Variants in PTBP2 observed in about 807,000 individuals in gnomAD.
PTBP2 encodes the protein polypyrimidine tract binding protein 2.
In PTBP2, 13 loss-of-function variants were observed where a neutral mutation model predicts 61.4. That is an observed-to-expected ratio of 0.21 (90% CI 0.14 to 0.34). The LOEUF (loss-of-function observed/expected upper bound fraction) is 0.34. Ranked by LOEUF, PTBP2 falls within the 10% of genes least tolerant of loss-of-function variation. The pLI is 1.00. For missense variants in PTBP2, 405 were observed against 642.6 expected (o/e 0.63, Z 4.00); for synonymous variants, 215 against 218.5 (o/e 0.98, Z 0.14).
chr1:96,791,979 G>A (rs1570964079), intron 8 of PTBP2, among the ~76,000 whole-genome samples: 1 of 151,572 alleles, frequency 6.6e-6, no homozygotes, highest in African/African-American at 2.4e-5. Flanking sequence ...GACTACAGGC[G>A]CACGCCACCA....
intron 2 of PTBP2, among the ~76,000 whole-genome samples, chr1:96,737,606 C>G (rs970029655): frequency 6.6e-6 from 1 of 151,850 alleles, no homozygotes; most frequent in Non-Finnish European, 1.5e-5. Flanking sequence ...TGTTTTTGTT[C>G]ACTTTTAAAG....
At chr1:96,763,578 G>A (rs576595303) in intron 3 of PTBP2, among the ~76,000 whole-genome samples, 37 of 141,150 alleles carry the variant, frequency 2.6e-4, no homozygotes, top group Admixed American at 5.0e-4. Flanking sequence ...GAAAGAGAGG[G>A]AGAGGGAGAC....
chr1:96,812,343 A>C (rs890895776), intron 11 of PTBP2, among the ~76,000 whole-genome samples: 1 of 152,198 alleles, frequency 6.6e-6, no homozygotes, highest in Non-Finnish European at 1.5e-5. Flanking sequence ...TTGAGGGACA[A>C]TTAGGAGGAA....
chr1:96,762,779 A>C (rs1184600050), intron 3 of PTBP2, among the ~76,000 whole-genome samples: 1 of 150,948 alleles, frequency 6.6e-6, no homozygotes, highest in East Asian at 2.0e-4. Context: ...CTCACTTCCC[A>C]GACGGCGTGG....
At chr1:96,806,686 TC>T (rs1661522517) in intron 10 of PTBP2, 179 bp from the exon 11 acceptor site, 1 of 661,738 alleles carries the variant, frequency 1.5e-6, no homozygotes, top group African/African-American at 1.8e-5. Flanking sequence ...CAAAAATTAT[TC>T]TTTTCAAAAT....
chr1:96,777,481 A>G, intron 5 of PTBP2, 104 bp from the exon 6 acceptor site: 1 of 986,296 alleles, frequency 1.0e-6, no homozygotes, highest in Admixed American at 3.3e-5. Context: ...AATTTTGTTT[A>G]ATCTGTGTAA....
chr1:96,786,957 G>A (rs1659272942), intron 8 of PTBP2, among the ~76,000 whole-genome samples: 1 of 152,064 alleles, frequency 6.6e-6, no homozygotes, highest in South Asian at 2.1e-4. Context: ...ATTCTTCTAG[G>A]GAATTTATCA....
chr1:96,723,171 A>T (rs1649867693), intron 1 of PTBP2, among the ~76,000 whole-genome samples: 1 of 152,166 alleles, frequency 6.6e-6, no homozygotes, highest in Non-Finnish European at 1.5e-5. Flanking sequence ...CCAGATCAAC[A>T]CGGAAATTGA....
chr1:96,801,390 A>G (rs1660978913), intron 8 of PTBP2, among the ~76,000 whole-genome samples: 1 of 152,130 alleles, frequency 6.6e-6, no homozygotes, highest in Non-Finnish European at 1.5e-5. Flanking sequence ...GCATTTTACA[A>G]ATGTCCAGAG....
rs115006244 is a variant in PTBP2 at position 96,811,707 on chromosome 1, C to T, written c.1172-1005C>T. Among the ~76,000 whole-genome samples the T allele has an allele frequency of 9.9e-3, 1,503 of 152,258 alleles. 28 individuals carry two copies. The highest frequency in any genetic ancestry group is 0.035 in the African/African-American group (1,439 of 41,540). On this transcript the variant is annotated intron_variant, in intron 11 of 13. Coordinates refer to ENST00000674951, the MANE Select transcript of PTBP2 (RefSeq NM_021190.4). ...TTGGGATTACAGGCGTGAGCCAACG[C>T]GCCCGGCATCTACTGTTAATACTTT...
At chr1:96,736,057 C>T (rs1302089083) in intron 2 of PTBP2, among the ~76,000 whole-genome samples, 2 of 152,156 alleles carry the variant, frequency 1.3e-5, no homozygotes, top group African/African-American at 4.8e-5. Context: ...ATAATATTTT[C>T]AATGTGTTGA....
intron 3 of PTBP2, among the ~76,000 whole-genome samples, chr1:96,756,111 C>G (rs1319990515): frequency 2.0e-5 from 3 of 152,304 alleles, no homozygotes; most frequent in East Asian, 3.9e-4. Flanking sequence ...TCTTAGAAAA[C>G]TATACGGCCG....
intron 3 of PTBP2, among the ~76,000 whole-genome samples, chr1:96,760,543 T>TCAAGCGATTCTCCTGCCTC (rs1300855900): frequency 2.0e-5 from 3 of 150,168 alleles, no homozygotes; most frequent in Non-Finnish European, 4.4e-5. Context: ...CCTCCTGGGT[T>TCAAGCGATTCTCCTGCCTC]CAAGCGATTC....
intron 2 of PTBP2, among the ~76,000 whole-genome samples, chr1:96,728,648 A>C (rs1650930688): frequency 6.6e-6 from 1 of 152,022 alleles, no homozygotes; most frequent in African/African-American, 2.4e-5. Context: ...TTCTTTTTCA[A>C]AGTTGTTTTT....
chr1:96,812,460 C>G (rs572941780), intron 11 of PTBP2, among the ~76,000 whole-genome samples: 1 of 152,200 alleles, frequency 6.6e-6, no homozygotes, highest in Non-Finnish European at 1.5e-5. Flanking sequence ...GATTTGTTAG[C>G]AGGATTGTTG....
At chr1:96,732,098 G>T (rs947054336) in intron 2 of PTBP2, among the ~76,000 whole-genome samples, 1 of 152,106 alleles carries the variant, frequency 6.6e-6, no homozygotes, top group African/African-American at 2.4e-5. Context: ...TAAAATGTTA[G>T]CTTTTTCTAA....
chr1:96,809,069 C>T (rs1454243696), intron 11 of PTBP2, among the ~76,000 whole-genome samples: 1 of 152,062 alleles, frequency 6.6e-6, no homozygotes, highest in Non-Finnish European at 1.5e-5. Context: ...GGATTTAGTT[C>T]ACTAGAAAGA....
intron 8 of PTBP2, among the ~76,000 whole-genome samples, chr1:96,787,252 T>A (rs1485030805): frequency 6.6e-6 from 1 of 152,022 alleles, no homozygotes; most frequent in Admixed American, 6.5e-5. Flanking sequence ...GAACTCCTGA[T>A]CTCAGGTGAT....
chr1:96,815,870 C>G (rs1028881257), downstream of PTBP2: 1 of 152,116 alleles, frequency 6.6e-6, no homozygotes, highest in African/African-American at 2.4e-5. Flanking sequence ...CAGAGGAACT[C>G]TACCAGCATC....
Sources: gnomAD v4.1 joint callset for allele counts (sites outside exome capture counted in the v4.1 genomes callset) on GRCh38, gnomAD v4.1.1 for gene constraint, MANE v1.5 for transcripts, NCBI Gene and HGNC (gene_info 2026-07-23, HGNC 2026-07-21) for gene names.